The following RELCH variants were observed in gnomAD, a reference collection of about 807,000 sequenced individuals.
RELCH encodes RAB11-binding protein RELCH.
Under a neutral mutation model 150.3 loss-of-function variants are expected in RELCH, and 41 were observed. That is an observed-to-expected ratio of 0.27 (90% CI 0.21 to 0.35). The LOEUF (loss-of-function observed/expected upper bound fraction) is 0.35, where lower values mean the gene tolerates loss of function less well. Ranked by LOEUF, RELCH falls within the 10% of genes least tolerant of loss-of-function variation. The pLI is 1.00. For synonymous variants in RELCH, 478 were observed against 531.8 expected (o/e 0.90, Z 1.39); for missense variants, 1,092 against 1,467.8 (o/e 0.74, Z 4.18).
intron 1 of RELCH, among the ~76,000 whole-genome samples, chr18:62,193,275 A>G (rs536521573): frequency 5.9e-5 from 9 of 152,240 alleles, no homozygotes; most frequent in African/African-American, 7.2e-5. Context: ...TTGGGCTGAG[A>G]CAGTGGGGTT....
intron 12 of RELCH, among the ~76,000 whole-genome samples, chr18:62,255,202 A>G (rs545972456): frequency 1.3e-5 from 2 of 152,122 alleles, no homozygotes; most frequent in African/African-American, 4.8e-5. Flanking sequence ...TTTTTCTTTA[A>G]CAGATGACCC....
Position 62,232,572 on chromosome 18 carries a change from C to T in RELCH, c.1620+145C>T, listed in dbSNP as rs374909161. ...TTACTTTTGTGCATGCATCTCTGCT[C>T]CTAGAGAATGGTTTTACACCTCTGT... On this transcript the variant is annotated intron_variant, in intron 10 of 28. Transcript: ENST00000644646. 8.7e-5 allele frequency: 52 copies of T among 594,448 alleles called. No homozygotes were observed. In the East Asian group the frequency reaches 1.1e-3, roughly 12 times the overall value. 36.8% of individuals were successfully genotyped at this position (594,448 alleles called of 1,614,324 possible).
At chr18:62,297,018 C>G (rs772226788) in intron 27 of RELCH, among the ~76,000 whole-genome samples, 1 of 152,202 alleles carries the variant, frequency 6.6e-6, no homozygotes, top group Non-Finnish European at 1.5e-5. Flanking sequence ...GCAAATTTCC[C>G]TACCTCCATT....
Position 62,309,971 on chromosome 18 carries a change from A to G in RELCH, c.*4437A>G, listed in dbSNP as rs2045964096. 1 of 152,172 alleles carries G rather than the reference A, an allele frequency of 6.6e-6. No homozygotes were observed. Among genetic ancestry groups the G allele is most frequent in the South Asian group, 2.1e-4 (1 of 4,836 alleles). 9.4% of individuals were successfully genotyped at this position (152,172 alleles called of 1,614,324 possible). The stretch of plus-strand genomic sequence containing the variant: ...AAACTGCTTCCCTCCTGGAAAAGTA[A>G]CCCTTTCTTAATTGTTGGCATTTTA... On this transcript the variant is annotated 3_prime_UTR_variant, in exon 29 of 29. Transcript: ENST00000644646.
intron 12 of RELCH, among the ~76,000 whole-genome samples, chr18:62,253,946 T>C (rs573492400): frequency 6.6e-6 from 1 of 152,256 alleles, no homozygotes; most frequent in East Asian, 1.9e-4. Context: ...TCTTTTCAAG[T>C]GTACAATTTA....
chr18:62,214,195 G>A (rs1220411195), intron 2 of RELCH, among the ~76,000 whole-genome samples: 1 of 152,092 alleles, frequency 6.6e-6, no homozygotes, highest in Non-Finnish European at 1.5e-5. Context: ...AGGAAGAAGA[G>A]CATATATAAT....
At chr18:62,249,520 TA>T (rs2042590427) in intron 11 of RELCH, among the ~76,000 whole-genome samples, 1 of 152,224 alleles carries the variant, frequency 6.6e-6, no homozygotes, top group African/African-American at 2.4e-5. Flanking sequence ...ATTAGTATTT[TA>T]TTTTTTCCTT....
At chr18:62,191,247 T>A (rs1457008676) in intron 1 of RELCH, among the ~76,000 whole-genome samples, 1 of 152,228 alleles carries the variant, frequency 6.6e-6, no homozygotes, top group East Asian at 1.9e-4. Flanking sequence ...TTTCTGTACA[T>A]CTCCTAAACA....
At position 62,255,477 on chromosome 18, in the gene RELCH, C is replaced by T; in HGVS notation, c.1895C>T (p.Pro632Leu). 6.3e-7 allele frequency: 1 copy of T among 1,582,240 alleles called. No homozygotes were observed. The highest frequency in any genetic ancestry group is 2.2e-5 in the East Asian group (1 of 44,632). Reference sequence around the variant, plus strand: ...TGTGGAGCACTGGCACCTTACCTTCCTGTAAGATTGTCTTTTTTTTTTTCT... The same window carrying T: ...TGTGGAGCACTGGCACCTTACCTTCTTGTAAGATTGTCTTTTTTTTTTTCT... ...ESCGALAPYLPKEIRSSLVLS... is the reference protein window; with the variant it reads ...ESCGALAPYLLKEIRSSLVLS... The change falls in exon 13 of 29, where the codon CCT becomes CTT. Residue 632 changes from proline to leucine, a missense_variant and splice_region_variant. Coordinates refer to ENST00000644646, the MANE Select transcript of RELCH (RefSeq NM_001346231.2).
intron 8 of RELCH, among the ~76,000 whole-genome samples, chr18:62,229,599 A>C (rs141856804): frequency 6.6e-6 from 1 of 152,064 alleles, no homozygotes; most frequent in East Asian, 1.9e-4. Context: ...AGTATGAGAG[A>C]GACAGACAAG....
Position 62,304,201 on chromosome 18 carries a change from C to T in RELCH, c.3531-1213C>T, listed in dbSNP as rs375853722. ...GGACTGACCCTCAGGAAAAGGGATG[C>T]GATTCAATTTGAAACTTGGAGAGTA... On this transcript the variant is annotated intron_variant, in intron 28 of 28. Coordinates refer to ENST00000644646, the MANE Select transcript of RELCH (RefSeq NM_001346231.2). Among the ~76,000 whole-genome samples the T allele has an allele frequency of 5.3e-5, 8 of 152,184 alleles. No individual in the cohort carries two copies. The South Asian group carries it at 1.5e-3, about 28-fold the overall frequency.
intron 27 of RELCH, among the ~76,000 whole-genome samples, chr18:62,292,774 T>C (rs893883336): frequency 1.3e-5 from 2 of 152,206 alleles, no homozygotes; most frequent in Non-Finnish European, 2.9e-5. Flanking sequence ...CTTTCTAATC[T>C]CTTCCGTTTC....
chr18:62,298,728 G>A, intron 27 of RELCH, 62 bp from the exon 28 acceptor site: 3 of 793,078 alleles, frequency 3.8e-6, no homozygotes. Context: ...TAAAACATTA[G>A]ATTAAACCAT....
intron 8 of RELCH, among the ~76,000 whole-genome samples, chr18:62,229,874 G>A (rs773930606): frequency 6.6e-6 from 1 of 151,950 alleles, no homozygotes; most frequent in Non-Finnish European, 1.5e-5. Context: ...AAGGATAGAA[G>A]ACAAAGTTGG....
chr18:62,223,704 CAG>C (rs1174537842), intron 5 of RELCH, among the ~76,000 whole-genome samples: 1 of 151,906 alleles, frequency 6.6e-6, no homozygotes, highest in Non-Finnish European at 1.5e-5. Context: ...TCAAATTAAA[CAG>C]AATGTTAAAA....
chr18:62,212,089 A>G (rs2040207976), intron 2 of RELCH, among the ~76,000 whole-genome samples: 1 of 152,082 alleles, frequency 6.6e-6, no homozygotes, highest in Non-Finnish European at 1.5e-5. Flanking sequence ...TCTAGGCACC[A>G]CCATTGGATC....
Position 62,258,681 on chromosome 18 carries a change from G to A in RELCH, c.2202+5G>A. 3 of 1,569,176 alleles carry A rather than the reference G, an allele frequency of 1.9e-6. No homozygotes were observed. Among genetic ancestry groups the A allele is most frequent in the Non-Finnish European group, 2.6e-6 (3 of 1,161,274 alleles). ...AAGATTGAAAAACTTCTCAGGGTAA[G>A]TTCTTCTTTTGTTTATATAGTTTGT... On this transcript the variant is annotated splice_donor_5th_base_variant and intron_variant, in intron 15 of 28. Transcript: ENST00000644646.
intron 7 of RELCH, 45 bp downstream of exon 7, chr18:62,227,734 A>G: frequency 1.0e-6 from 1 of 967,534 alleles, no homozygotes; most frequent in Non-Finnish European, 1.5e-6. Context: ...TAAGGTGTTT[A>G]AAAGTATTGG....
Position 62,268,976 on chromosome 18 carries a change from A to G in RELCH, c.2760+28A>G, listed in dbSNP as rs767713738. ...AAGGGAAAAATTCTTACTCTCTAGT[A>G]AAAGGCTTTCCATTTAGAAAAATGC... On this transcript the variant is annotated intron_variant, in intron 20 of 28. Transcript: ENST00000644646. 1.9e-5 allele frequency: 24 copies of G among 1,233,426 alleles called. No homozygotes were observed. In the African/African-American group the frequency reaches 3.4e-4, roughly 17 times the overall value. 76.4% of individuals were successfully genotyped at this position (1,233,426 alleles called of 1,614,324 possible).
Sources: gnomAD v4.1 joint callset for allele counts (sites outside exome capture counted in the v4.1 genomes callset) on GRCh38, gnomAD v4.1.1 for gene constraint, MANE v1.5 for transcripts, NCBI Gene and HGNC (gene_info 2026-07-23, HGNC 2026-07-21) for gene names.